ARFGEF2: variants seen among roughly 807,000 people sequenced by gnomAD.
ARFGEF2 encodes the protein brefeldin A-inhibited guanine nucleotide-exchange protein 2.
ARFGEF2 carries 74 observed loss-of-function variants against 219.9 expected under a neutral mutation model. The observed-to-expected ratio is 0.34, with a 90% CI of 0.28 to 0.41. The LOEUF is 0.41. Among genes scored for constraint, ARFGEF2 ranks in the 10% least tolerant of loss-of-function variants. The pLI, the probability that ARFGEF2 is intolerant of heterozygous loss-of-function variation, is 1.00. For missense variants in ARFGEF2, 1,743 were observed against 2,218.3 expected (o/e 0.79, Z 4.30); for synonymous variants, 733 against 799.2 (o/e 0.92, Z 1.40).
chr20:49,024,837 A>G (rs2091592028), intron 35 of ARFGEF2, among the ~76,000 whole-genome samples: 1 of 152,130 alleles, frequency 6.6e-6, no homozygotes, highest in Non-Finnish European at 1.5e-5. Context: ...CTTTACTAAA[A>G]ATACAAAAAT....
intron 3 of ARFGEF2, among the ~76,000 whole-genome samples, chr20:48,944,134 A>G (rs2091010672): frequency 6.6e-6 from 1 of 152,208 alleles, no homozygotes; most frequent in Non-Finnish European, 1.5e-5. Context: ...TTCTGTACAG[A>G]TTGTCCTATG....
intron 3 of ARFGEF2, among the ~76,000 whole-genome samples, chr20:48,945,998 A>G (rs1293972906): frequency 6.6e-6 from 1 of 152,218 alleles, no homozygotes; most frequent in African/African-American, 2.4e-5. Flanking sequence ...GACATGAGAA[A>G]GTGGCTCGGT....
rs563752409 is a variant in ARFGEF2 at position 49,015,173 on chromosome 20, G to A, written c.4180-1107G>A. 3.9e-4 allele frequency among the ~76,000 whole-genome samples: 59 copies of A among 152,236 alleles called. No individual in the cohort carries two copies. In the South Asian group the frequency reaches 9.1e-3, roughly 24 times the overall value. On this transcript the variant is annotated intron_variant, in intron 30 of 38. Transcript: ENST00000371917. ...TCTGTTGCCCAGGCTGGAGTGCAGT[G>A]GTGTGATCTCGGCTCACAGCAACCT...
intron 1 of ARFGEF2, among the ~76,000 whole-genome samples, chr20:48,930,767 T>G (rs923313122): frequency 6.6e-6 from 1 of 151,852 alleles, no homozygotes; most frequent in Non-Finnish European, 1.5e-5. Flanking sequence ...AGATAGGAAT[T>G]TGGGAGTCAG....
chr20:48,970,053 A>G (rs4810902), intron 9 of ARFGEF2, among the ~76,000 whole-genome samples: 48,558 of 152,102 alleles, frequency 0.32, 7,987 homozygotes, highest in East Asian at 0.47. Context: ...GGTGGCTCAC[A>G]CCTATAATCC....
Position 48,952,758 on chromosome 20 carries a change from C to T in ARFGEF2, c.477C>T (p.Ile159=). The change falls in exon 5 of 39, where the codon ATC becomes ATT. Residue 159 remains isoleucine (I), a synonymous_variant. Transcript: ENST00000371917. ...ACATTGAAATTCATGAGGGTACTAT[C>T]CTGCAGACAGTGAGAACATGTTACA... The part of the protein sequence containing the change: ...SPHIEIHEGT[I]LQTVRTCYNI... 6.2e-7 allele frequency: 1 copy of T among 1,614,216 alleles called. No homozygotes were observed. The highest frequency in any genetic ancestry group is 8.5e-7 in the Non-Finnish European group (1 of 1,180,038).
At chr20:48,980,876 C>G (rs997555186) in intron 14 of ARFGEF2, among the ~76,000 whole-genome samples, 6 of 152,178 alleles carry the variant, frequency 3.9e-5, no homozygotes, top group Admixed American at 1.3e-4. Flanking sequence ...CTGTGTGTGT[C>G]TCTGCACGTG....
intron 27 of ARFGEF2, 106 bp downstream of exon 27, chr20:49,010,510 A>G: frequency 1.5e-6 from 2 of 1,290,486 alleles, no homozygotes; most frequent in Admixed American, 1.9e-5. Flanking sequence ...CCTTGGCTCT[A>G]CTGTGATATA....
chr20:49,021,709 C>A (rs1158727983), intron 34 of ARFGEF2, among the ~76,000 whole-genome samples: 4 of 150,384 alleles, frequency 2.7e-5, no homozygotes, highest in African/African-American at 9.8e-5. Flanking sequence ...ATTAGCCGGG[C>A]ATGGTGCCGG....
intron 1 of ARFGEF2, among the ~76,000 whole-genome samples, chr20:48,937,889 C>G (rs933590202): frequency 6.6e-6 from 1 of 152,198 alleles, no homozygotes; most frequent in Non-Finnish European, 1.5e-5. Flanking sequence ...TGTAAACTAG[C>G]CTTCCCAGCT....
Position 48,998,228 on chromosome 20 carries a change from C to G in ARFGEF2, c.3257C>G (p.Ala1086Gly), listed in dbSNP as rs764494681. 1.2e-6 allele frequency: 2 copies of G among 1,613,972 alleles called. No homozygotes were observed. Among genetic ancestry groups the G allele is most frequent in the Non-Finnish European group, 1.7e-6 (2 of 1,179,978 alleles). ...GGGTCTACCAGACTGGATGGAAATG[C>G]AATAGGTATGTATTTGACTTACCTG... ...FTGSTRLDGN[A>G]IVDFVRWLCA... Residue 1086 changes from alanine (A) to glycine (G), a missense_variant, in exon 24 of 39, where the codon GCA becomes GGA. Ala to Gly is a moderately conservative substitution (Grantham distance 60). Around this residue, in one of 5 missense-constraint regions of ARFGEF2, gnomAD observed 666 missense variants for 955.4 expected, o/e 0.70. Transcript: ENST00000371917.
At chr20:48,926,097 A>C (rs2090875374) in intron 1 of ARFGEF2, among the ~76,000 whole-genome samples, 2 of 152,180 alleles carry the variant, frequency 1.3e-5, no homozygotes, top group South Asian at 4.1e-4. Context: ...TAAGTTGGCC[A>C]GGGTAACTCA....
At position 48,986,710 on chromosome 20, in the gene ARFGEF2, T is replaced by C. The variant is rs560633094; in HGVS notation, c.2276+1097T>C. The stretch of plus-strand genomic sequence containing the variant: ...TGTGGAAATTGTTCAGTGGAAACTA[T>C]TTTTTTTGAGACAGGGTCTTGCTCT... On this transcript the variant is annotated intron_variant, in intron 16 of 38. Transcript: ENST00000371917. Among the ~76,000 whole-genome samples, 3 of 151,852 alleles carry C rather than the reference T, an allele frequency of 2.0e-5. No individual in the cohort carries two copies. The East Asian group carries it at 5.8e-4, about 29-fold the overall frequency.
At chr20:48,973,744 C>G (rs1476500180) in intron 12 of ARFGEF2, among the ~76,000 whole-genome samples, 1 of 152,186 alleles carries the variant, frequency 6.6e-6, no homozygotes, top group African/African-American at 2.4e-5. Context: ...TCTGAATGAA[C>G]TGGTCAGAGG....
At chr20:49,014,550 A>G (rs148538144) in intron 30 of ARFGEF2, among the ~76,000 whole-genome samples, 182 of 152,298 alleles carry the variant, frequency 1.2e-3, no homozygotes, top group African/African-American at 4.2e-3. Context: ...TATTAGGCAA[A>G]CACAAAAAAA....
In ARFGEF2 at chr20:49,018,957, C is replaced by G. The variant is rs754882237; in HGVS notation, c.4583C>G (p.Ser1528Cys). 16 of 1,614,056 alleles carry G rather than the reference C, an allele frequency of 9.9e-6. No individual in the cohort carries two copies. The highest frequency in any genetic ancestry group is 1.7e-5 in the Admixed American group (1 of 60,022). The part of the protein sequence containing the change: ...NPSERGQSQL[S>C]NPTDDSWKGR... The stretch of plus-strand genomic sequence containing the variant: ...TCTGAGAGGGGACAGAGCCAGCTCT[C>G]TAACCCAACAGATGACAGCTGGAAG... Residue 1528 changes from serine (S) to cysteine (C), a missense_variant, in exon 34 of 39, where the codon TCT becomes TGT. This residue lies in a region of ARFGEF2 where 578 missense variants were observed against 664.0 expected (regional missense o/e 0.87). Coordinates refer to ENST00000371917, the MANE Select transcript of ARFGEF2 (RefSeq NM_006420.3).
Position 49,005,915 on chromosome 20 carries a change from T to A in ARFGEF2, c.3584+694T>A, listed in dbSNP as rs967411915. On this transcript the variant is annotated intron_variant, in intron 26 of 38. Transcript: ENST00000371917. ...AAAGAGGTCAGGATACCGGGCCCTG[T>A]GAAGCAGCCGTACTGTTCATTTATT... is the stretch of plus-strand genomic sequence containing the variant. Among the ~76,000 whole-genome samples, 4 of 152,198 alleles carry A rather than the reference T, an allele frequency of 2.6e-5. 1 individual carries two copies. Among genetic ancestry groups the A allele is most frequent in the Admixed American group, 2.6e-4 (4 of 15,284 alleles).
At chr20:48,973,978 G>A (rs949985935) in intron 12 of ARFGEF2, among the ~76,000 whole-genome samples, 29 of 152,092 alleles carry the variant, frequency 1.9e-4, no homozygotes, top group African/African-American at 6.7e-4. Context: ...TTACTTAAAG[G>A]GTGAGCCTTA....
At chr20:48,955,937 C>G (rs1389485992) in intron 6 of ARFGEF2, among the ~76,000 whole-genome samples, 1 of 152,086 alleles carries the variant, frequency 6.6e-6, no homozygotes, top group Non-Finnish European at 1.5e-5. Flanking sequence ...GACCCCCTCT[C>G]TAAATAAATA....
Sources: allele counts gnomAD v4.1 joint callset (sites outside exome capture counted in the v4.1 genomes callset), GRCh38; gene constraint gnomAD v4.1.1; regional missense constraint gnomAD v4.1.1; transcripts MANE v1.5; gene names NCBI Gene and HGNC (gene_info 2026-07-23, HGNC 2026-07-21).